The following ZDHHC11 variants were observed in gnomAD, a reference collection of about 807,000 sequenced individuals.
The protein encoded by ZDHHC11 is palmitoyltransferase ZDHHC11.
A neutral mutation model predicts 51.3 loss-of-function variants in ZDHHC11; 44 were observed. The observed-to-expected ratio is 0.86, with a 90% CI of 0.67 to 1.10. ZDHHC11 has a LOEUF of 1.10. Ranked by LOEUF, ZDHHC11 falls within the 50% of genes least tolerant of loss-of-function variation. ZDHHC11 has a pLI of 0.00. For missense variants in ZDHHC11, 400 were observed against 537.7 expected, an observed-to-expected ratio of 0.74 and a Z score of 2.53; for synonymous variants, 163 against 222.0, an observed-to-expected ratio of 0.73 and a Z score of 2.36.
intron 12 of ZDHHC11, among the ~76,000 whole-genome samples, chr5:799,096 T>C (rs1411503118): frequency 5.3e-5 from 8 of 151,868 alleles, no homozygotes; most frequent in Admixed American, 5.3e-4. Flanking sequence ...TGATCTCCAT[T>C]GTTGGAGATG....
In ZDHHC11 at chr5:850,895, C is replaced by T. The variant is rs889236426; in HGVS notation, c.-293G>A. The T allele has an allele frequency of 2.7e-5, 12 of 451,210 alleles. No homozygotes were observed. The highest frequency in any genetic ancestry group is 4.7e-5 in the African/African-American group (1 of 21,306). 28.0% of individuals were successfully genotyped at this position (451,210 alleles called of 1,614,324 possible). A position where few individuals can be genotyped will look rare whatever the true frequency, so the allele number is the denominator to read the frequency against. On this transcript the variant is annotated 5_prime_UTR_variant, in exon 1 of 13. Transcript: ENST00000283441. ...CAGGGTGTGGAGGACCCAGTGCCCGCGCGACCGCCCATCAGTTCCCCTGAG... is the reference window on the plus strand; with the variant it reads ...CAGGGTGTGGAGGACCCAGTGCCCGTGCGACCGCCCATCAGTTCCCCTGAG...
At chr5:819,042 A>G (rs1182724927) in intron 10 of ZDHHC11, among the ~76,000 whole-genome samples, 1 of 151,516 alleles carries the variant, frequency 6.6e-6, no homozygotes, top group African/African-American at 2.4e-5. Flanking sequence ...CACACACCAC[A>G]CACAAAACCA....
chr5:808,836 T>A (rs1485840235), intron 11 of ZDHHC11, among the ~76,000 whole-genome samples: 4 of 146,006 alleles, frequency 2.7e-5, no homozygotes, highest in Non-Finnish European at 3.1e-5. Flanking sequence ...TAGCTGGGAG[T>A]ACAGGTGCCT....
intron 1 of ZDHHC11, among the ~76,000 whole-genome samples, chr5:857,218 C>T (rs1198481417): frequency 2.0e-5 from 3 of 152,222 alleles, no homozygotes; most frequent in Non-Finnish European, 2.9e-5. Context: ...GACCGATGCC[C>T]GGGGAACTGG....
In ZDHHC11 at chr5:825,265, AAGG is replaced by A. The variant is rs750028506; in HGVS notation, c.936-17_936-15del. ...TTGGCTTTGACTCTGGTGGGACAGA[AAGG>A]AGGAGAGAAACTCATCTCAGCTTTG... On this transcript the variant is annotated splice_polypyrimidine_tract_variant and intron_variant, in intron 7 of 12. Coordinates refer to ENST00000283441, the MANE Select transcript of ZDHHC11 (RefSeq NM_024786.3). 178 of 1,610,812 alleles carry A rather than the reference AAGG, an allele frequency of 1.1e-4. 3 individuals carry two copies. The highest frequency in any genetic ancestry group is 1.4e-4 in the Non-Finnish European group (168 of 1,177,594).
chr5:800,363 TCAGGGTGTAAAG>T, intron 12 of ZDHHC11, among the ~76,000 whole-genome samples: 1 of 150,762 alleles, frequency 6.6e-6, no homozygotes, highest in Non-Finnish European at 1.5e-5. Context: ...ACGGTAGACT[TCAGGGTGTAAAG>T]CAGCTTGCTT....
chr5:814,875 C>T, intron 10 of ZDHHC11, 80 bp from the exon 11 acceptor site: 1 of 1,354,712 alleles, frequency 7.4e-7, no homozygotes, highest in Non-Finnish European at 9.9e-7. Flanking sequence ...AATTCAAGTT[C>T]ATTACTAGTC....
chr5:837,856 C>T (rs1017256079), intron 5 of ZDHHC11, among the ~76,000 whole-genome samples: 2 of 151,952 alleles, frequency 1.3e-5, no homozygotes, highest in Non-Finnish European at 2.9e-5. Context: ...CCTGGGATCG[C>T]TGGCAGGGGT....
intron 6 of ZDHHC11, among the ~76,000 whole-genome samples, chr5:835,134 A>G (rs1157323810): frequency 2.0e-5 from 3 of 151,302 alleles, no homozygotes; most frequent in Non-Finnish European, 4.4e-5. Flanking sequence ...GCTTGTTTCT[A>G]GAAGTGTTCT....
chr5:804,506 G>A (rs1261076379), intron 11 of ZDHHC11, among the ~76,000 whole-genome samples: 5 of 149,980 alleles, frequency 3.3e-5, no homozygotes, highest in East Asian at 1.9e-4. Flanking sequence ...GGAGCTCAAC[G>A]AATTCCAAGC....
chr5:803,541 T>A (rs1738792532), intron 11 of ZDHHC11, among the ~76,000 whole-genome samples: 2 of 151,356 alleles, frequency 1.3e-5, no homozygotes, highest in African/African-American at 2.4e-5. Flanking sequence ...ATTTTTAGAG[T>A]TACCATATTA....
chr5:808,502 G>A (rs1739605831), intron 11 of ZDHHC11, among the ~76,000 whole-genome samples: 1 of 148,106 alleles, frequency 6.8e-6, no homozygotes, highest in Non-Finnish European at 1.5e-5. Flanking sequence ...ACGTCTGCAT[G>A]TGTCTCCAAC....
At chr5:808,984 T>TAC (rs56961185) in intron 11 of ZDHHC11, among the ~76,000 whole-genome samples, 3,485 of 133,782 alleles carry the variant, frequency 0.026, 115 homozygotes, top group South Asian at 0.048. Flanking sequence ...GACCATCAGT[T>TAC]ACACACACAC....
In ZDHHC11 at chr5:848,650, C is replaced by T. The variant is rs758341444; in HGVS notation, c.233G>A (p.Gly78Glu). ...GACGACGAGGTGGAACGAGAAGATC[C>T]CCCCGGTCACCTGGCATGTCAAGGA... ...WKYIAYVVTGGIFSFHLVVHL... is the reference protein window; with the variant it reads ...WKYIAYVVTGEIFSFHLVVHL... The change falls in exon 2 of 13, where the codon GGG (glycine) becomes GAG (glutamate). Residue 78 changes from glycine (G) to glutamate (E), a missense_variant. Around this residue, in one of 5 missense-constraint regions of ZDHHC11, gnomAD observed 22 missense variants for 81.0 expected, o/e 0.27. Transcript: ENST00000283441. 2.6e-5 allele frequency: 42 copies of T among 1,599,994 alleles called. No homozygotes were observed. In the African/African-American group the frequency reaches 5.1e-4, roughly 19 times the overall value.
At chr5:800,295 T>C (rs942306959) in intron 12 of ZDHHC11, among the ~76,000 whole-genome samples, 28 of 150,622 alleles carry the variant, frequency 1.9e-4, no homozygotes, top group South Asian at 4.2e-4. Flanking sequence ...ACCCTTTTCC[T>C]GTCCAGCTAG....
chr5:853,468 G>A (rs1747624694), upstream of ZDHHC11, among the ~76,000 whole-genome samples: 1 of 140,398 alleles, frequency 7.1e-6, no homozygotes, highest in Admixed American at 7.4e-5. Flanking sequence ...CCCCACAGAG[G>A]ACAGCGAGCG....
intron 3 of ZDHHC11, among the ~76,000 whole-genome samples, chr5:844,987 T>A (rs1745894821): frequency 6.6e-6 from 1 of 152,282 alleles, no homozygotes; most frequent in Non-Finnish European, 1.5e-5. Flanking sequence ...ATCCTTTCCA[T>A]TGTATTATGT....
At chr5:807,718 G>A (rs1393759518) in intron 11 of ZDHHC11, among the ~76,000 whole-genome samples, 19 of 152,164 alleles carry the variant, frequency 1.2e-4, no homozygotes, top group African/African-American at 4.3e-4. Flanking sequence ...ATTTCCTTGT[G>A]AGGAATAGCG....
In ZDHHC11 at chr5:850,641, C is replaced by T; in HGVS notation, c.-39G>A. The T allele has an allele frequency of 6.3e-7, 1 of 1,598,446 alleles. No individual in the cohort carries two copies. Among genetic ancestry groups the T allele is most frequent in the Non-Finnish European group, 8.5e-7 (1 of 1,175,748 alleles). ...AAGGGGAGGACCTGCGCCGTCAGAT[C>T]CTGGGAGGGCCGGCCCCGCCCACTG... On this transcript the variant is annotated 5_prime_UTR_variant, in exon 1 of 13. Transcript: ENST00000283441.
Sources: gnomAD v4.1 joint callset for allele counts (sites outside exome capture counted in the v4.1 genomes callset) on GRCh38, gnomAD v4.1.1 for gene constraint, gnomAD v4.1.1 regional missense constraint, MANE v1.5 for transcripts, NCBI Gene and HGNC (gene_info 2026-07-23, HGNC 2026-07-21) for gene names.